ADAM18: variants seen among roughly 807,000 people sequenced by gnomAD.
ADAM18 encodes disintegrin and metalloproteinase domain-containing protein 18.
Under a neutral mutation model 94.4 loss-of-function variants are expected in ADAM18, and 117 were observed. The observed-to-expected ratio is 1.24, with a 90% confidence interval of 1.07 to 1.45. The LOEUF (loss-of-function observed/expected upper bound fraction) is 1.45. ADAM18 is among the 40% of genes most tolerant of loss of function. ADAM18 has a pLI of 0.00. For synonymous variants in ADAM18, 327 were observed against 291.6 expected, an observed-to-expected ratio of 1.12 and a Z score of -1.24; for missense variants, 936 against 880.0, an observed-to-expected ratio of 1.06 and a Z score of -0.81.
intron 2 of ADAM18, among the ~76,000 whole-genome samples, chr8:39,594,430 T>G (rs1433928902): frequency 6.6e-6 from 1 of 152,176 alleles, no homozygotes; most frequent in Non-Finnish European, 1.5e-5. Flanking sequence ...TTCTGGGTGT[T>G]TCAATCCTTC....
intron 17 of ADAM18, among the ~76,000 whole-genome samples, chr8:39,698,940 T>G (rs1262062104): frequency 6.6e-6 from 1 of 152,030 alleles, no homozygotes. Context: ...TTAGAGAAAT[T>G]TTTGAATTAG....
At chr8:39,687,793 A>T (rs1329043692) in intron 16 of ADAM18, among the ~76,000 whole-genome samples, 1 of 152,160 alleles carries the variant, frequency 6.6e-6, no homozygotes, top group Non-Finnish European at 1.5e-5. Flanking sequence ...GCTGCAGAGG[A>T]CATTATTTCA....
At chr8:39,728,884 T>G (rs1822996592) in intron 19 of ADAM18, among the ~76,000 whole-genome samples, 2 of 152,272 alleles carry the variant, frequency 1.3e-5, no homozygotes, top group South Asian at 4.1e-4. Flanking sequence ...TAAGCATGTC[T>G]GGCAAAAAAA....
At chr8:39,702,967 C>T (rs998776757) in intron 17 of ADAM18, among the ~76,000 whole-genome samples, 1 of 152,112 alleles carries the variant, frequency 6.6e-6, no homozygotes, top group African/African-American at 2.4e-5. Context: ...GCCATTTGGA[C>T]TCTTTTTTGC....
intron 2 of ADAM18, among the ~76,000 whole-genome samples, chr8:39,593,670 G>A (rs775678889): frequency 2.0e-5 from 3 of 152,122 alleles, no homozygotes; most frequent in Admixed American, 6.6e-5. Context: ...ACTATCTTCT[G>A]TCAGGTTTTG....
intron 14 of ADAM18, among the ~76,000 whole-genome samples, chr8:39,676,471 A>G (rs1274467461): frequency 1.3e-5 from 2 of 152,246 alleles, no homozygotes; most frequent in South Asian, 2.1e-4. Flanking sequence ...GGAGAGAATC[A>G]TCTTGTCTGC....
rs758494889 is a variant in ADAM18, at chr8:39,610,654, A to G, written c.470A>G (p.Tyr157Cys). 3 of 1,613,284 alleles carry G rather than the reference A, an allele frequency of 1.9e-6. No homozygotes were observed. In the South Asian group the frequency reaches 3.3e-5, roughly 18 times the overall value. The change falls in exon 6 of 20, where the codon TAC becomes TGC. Residue 157 changes from tyrosine (Y) to cysteine (C), a missense_variant. Coordinates refer to ENST00000265707, the MANE Select transcript of ADAM18 (RefSeq NM_014237.3). ...AATGTATCCATTTTAGCAGTAAATT[A>G]CAGTCATATTTGGCAGAAAGACCAG... is the stretch of plus-strand genomic sequence containing the variant. Reference protein sequence around the residue: ...DPNVSILAVNYSHIWQKDQPY... With the variant: ...DPNVSILAVNCSHIWQKDQPY...
At chr8:39,607,753 T>TC (rs1451751463) in intron 3 of ADAM18, among the ~76,000 whole-genome samples, 1 of 151,810 alleles carries the variant, frequency 6.6e-6, no homozygotes, top group African/African-American at 2.4e-5. Flanking sequence ...TTTTTTTTTT[T>TC]TTAATTCTTT....
At position 39,585,401 on chromosome 8, in the gene ADAM18, T is replaced by A. The variant is rs1269591207; in HGVS notation, c.132+49T>A. 3.0e-6 allele frequency: 4 copies of A among 1,313,766 alleles called. No homozygotes were observed. The Admixed American group carries it at 7.5e-5, about 25-fold the overall frequency. 81.4% of individuals were successfully genotyped at this position (1,313,766 alleles called of 1,614,324 possible). Reference sequence around the variant, plus strand: ...CTATATTTAAAGCTTTATGGCAATTTTTATTTACCCTTATATTAAGTCAGA... The same window carrying A: ...CTATATTTAAAGCTTTATGGCAATTATTATTTACCCTTATATTAAGTCAGA... On this transcript the variant is annotated intron_variant, in intron 2 of 19. Transcript: ENST00000265707.
At chr8:39,612,986 G>A (rs1375681602) in intron 6 of ADAM18, among the ~76,000 whole-genome samples, 1 of 152,052 alleles carries the variant, frequency 6.6e-6, no homozygotes, top group Non-Finnish European at 1.5e-5. Context: ...GCCAGTACAT[G>A]TACACATGCA....
chr8:39,717,212 A>G (rs1172288253), intron 18 of ADAM18, among the ~76,000 whole-genome samples: 1 of 151,812 alleles, frequency 6.6e-6, no homozygotes, highest in Non-Finnish European at 1.5e-5. Flanking sequence ...AATCACATAA[A>G]AAAACTACAC....
intron 3 of ADAM18, among the ~76,000 whole-genome samples, chr8:39,607,953 GAGTACTTAGTTGATAACCA>G (rs1819142946): frequency 1.3e-5 from 2 of 151,734 alleles, no homozygotes; most frequent in South Asian, 4.2e-4. Flanking sequence ...TCACTTATCT[GAGTACTTAGTTGATAACCA>G]AGTATTTACT....
At chr8:39,653,719 A>G (rs1820604479) in intron 12 of ADAM18, among the ~76,000 whole-genome samples, 1 of 152,206 alleles carries the variant, frequency 6.6e-6, no homozygotes, top group African/African-American at 2.4e-5. Flanking sequence ...TTTAATTGAT[A>G]TATCATAGTT....
intron 16 of ADAM18, among the ~76,000 whole-genome samples, chr8:39,691,781 T>G: frequency 6.7e-6 from 1 of 150,242 alleles, no homozygotes; most frequent in East Asian, 1.9e-4. Flanking sequence ...AAAAATAGTC[T>G]TGGATATCTT....
At chr8:39,586,788 CTATCTATCTATCTA>C (rs1818411849) in intron 2 of ADAM18, among the ~76,000 whole-genome samples, 1 of 135,652 alleles carries the variant, frequency 7.4e-6, no homozygotes, top group Admixed American at 7.7e-5. Flanking sequence ...ATCTATCTAT[CTATCTATCTATCTA>C]TATCTATCTA....
At chr8:39,728,825 A>G (rs576431825) in intron 19 of ADAM18, among the ~76,000 whole-genome samples, 54 of 152,340 alleles carry the variant, frequency 3.5e-4, no homozygotes, top group African/African-American at 1.3e-3. Flanking sequence ...TTGTTTTTAA[A>G]TATTGCATGA....
chr8:39,625,083 G>C (rs73605961), intron 6 of ADAM18, among the ~76,000 whole-genome samples: 5,439 of 152,226 alleles, frequency 0.036, 245 homozygotes, highest in African/African-American at 0.11. Flanking sequence ...TGTGAAAACT[G>C]ATCTTGGTAT....
chr8:39,660,048 A>G (rs1057297779), intron 12 of ADAM18, among the ~76,000 whole-genome samples: 5 of 152,118 alleles, frequency 3.3e-5, no homozygotes, highest in Non-Finnish European at 7.4e-5. Flanking sequence ...TATTTTAACT[A>G]TAAGATATTT....
chr8:39,708,101 T>C (rs1179663458), intron 18 of ADAM18, among the ~76,000 whole-genome samples: 3 of 152,206 alleles, frequency 2.0e-5, no homozygotes, highest in Non-Finnish European at 4.4e-5. Context: ...GGAGATTTCA[T>C]CATGCTACCC....
Sources: gnomAD v4.1 joint callset for allele counts (sites outside exome capture counted in the v4.1 genomes callset) on GRCh38, gnomAD v4.1.1 for gene constraint, MANE v1.5 for transcripts, NCBI Gene and HGNC (gene_info 2026-07-23, HGNC 2026-07-21) for gene names.